The following NPAS2 variants were observed in gnomAD, a reference collection of about 807,000 sequenced individuals.
The protein encoded by NPAS2 is neuronal PAS domain-containing protein 2.
In NPAS2, 23 loss-of-function variants were observed where a neutral mutation model predicts 107.5. That is an observed-to-expected ratio of 0.21 (90% confidence interval 0.15 to 0.30). The LOEUF is 0.30. NPAS2 is among the 10% of genes least tolerant of loss of function. The pLI, the probability that NPAS2 is intolerant of heterozygous loss-of-function variation, is 1.00. For missense variants in NPAS2, 756 were observed against 1,043.3 expected (o/e 0.72, Z 3.79); for synonymous variants, 403 against 417.5 (o/e 0.97, Z 0.42).
At chr2:100,848,549 C>A (rs1677936736) in intron 1 of NPAS2, among the ~76,000 whole-genome samples, 1 of 152,116 alleles carries the variant, frequency 6.6e-6, no homozygotes, top group South Asian at 2.1e-4. Flanking sequence ...GTCACTTCCG[C>A]ATCTAGAGCA....
intron 1 of NPAS2, among the ~76,000 whole-genome samples, chr2:100,841,898 G>C (rs1677433118): frequency 6.6e-6 from 1 of 151,958 alleles, no homozygotes; most frequent in Non-Finnish European, 1.5e-5. Context: ...TACATGTAAA[G>C]GTGCACACAT....
intron 5 of NPAS2, 146 bp from the exon 6 acceptor site, chr2:100,948,089 A>G (rs562261730): frequency 1.2e-6 from 1 of 847,972 alleles, no homozygotes; most frequent in African/African-American, 1.7e-5. Flanking sequence ...TGGAGTGATA[A>G]ACTGAGAGTG....
At chr2:100,944,517 G>A (rs895516624) in intron 5 of NPAS2, among the ~76,000 whole-genome samples, 1 of 152,062 alleles carries the variant, frequency 6.6e-6, no homozygotes, top group African/African-American at 2.4e-5. Flanking sequence ...TCCCTCCCTT[G>A]TCTCCATAAT....
chr2:100,881,640 C>T (rs1263516248), intron 1 of NPAS2, among the ~76,000 whole-genome samples: 1 of 151,856 alleles, frequency 6.6e-6, no homozygotes, highest in Non-Finnish European at 1.5e-5. Context: ...GAGCTGAGAT[C>T]ACAGCACTGC....
intron 15 of NPAS2, among the ~76,000 whole-genome samples, chr2:100,979,502 A>ATTTTTT (rs757799235): frequency 9.2e-5 from 4 of 43,332 alleles, no homozygotes; most frequent in Non-Finnish European, 8.4e-5. Context: ...ATATATATAT[A>ATTTTTT]TTTTTTTTTT....
intron 7 of NPAS2, among the ~76,000 whole-genome samples, chr2:100,959,639 T>C (rs147770626): frequency 9.6e-4 from 147 of 152,366 alleles, no homozygotes; most frequent in African/African-American, 3.3e-3. Context: ...TTTATCACGA[T>C]TGGGACTTAA....
At position 100,860,697 on chromosome 2, in the gene NPAS2, G is replaced by A. The variant is rs76199684; in HGVS notation, c.-23+40283G>A. Among the ~76,000 whole-genome samples, 1,241 of 152,120 alleles carry A rather than the reference G, an allele frequency of 8.2e-3. 10 individuals carry two copies. Among genetic ancestry groups the A allele is most frequent in the African/African-American group, 0.027 (1,112 of 41,494 alleles). On this transcript the variant is annotated intron_variant, in intron 1 of 20. Transcript: ENST00000335681. Reference sequence around the variant, plus strand: ...ATGGGTTTGTAGATTTCTTTTATTTGGTGGATTATAATTACAGTTTGGGTT... The same window carrying A: ...ATGGGTTTGTAGATTTCTTTTATTTAGTGGATTATAATTACAGTTTGGGTT...
chr2:100,942,195 C>T (rs1017979188), intron 5 of NPAS2, among the ~76,000 whole-genome samples: 1 of 151,990 alleles, frequency 6.6e-6, no homozygotes, highest in African/African-American at 2.4e-5. Flanking sequence ...CAAGCCCCAG[C>T]GAGAAGAAAA....
At chr2:100,846,541 T>C (rs577369184) in intron 1 of NPAS2, among the ~76,000 whole-genome samples, 4 of 152,344 alleles carry the variant, frequency 2.6e-5, no homozygotes, top group African/African-American at 7.2e-5. Flanking sequence ...CTACCAAGAA[T>C]AACAATAAGC....
chr2:100,877,231 G>A (rs1191489405), intron 1 of NPAS2, among the ~76,000 whole-genome samples: 1 of 152,156 alleles, frequency 6.6e-6, no homozygotes, highest in African/African-American at 2.4e-5. Flanking sequence ...TTGGGAGGCT[G>A]AGGCAGGCGG....
chr2:100,858,931 A>G (rs1462889478), intron 1 of NPAS2, among the ~76,000 whole-genome samples: 2 of 152,190 alleles, frequency 1.3e-5, no homozygotes, highest in Non-Finnish European at 2.9e-5. Flanking sequence ...TGCATAATCA[A>G]CGCCTCAAGA....
chr2:100,916,558 G>A (rs1682892115), intron 2 of NPAS2, among the ~76,000 whole-genome samples: 1 of 152,092 alleles, frequency 6.6e-6, no homozygotes, highest in Admixed American at 6.5e-5. Context: ...ACAGATAATA[G>A]CTCTAATATG....
chr2:100,909,465 A>C (rs1682387905), intron 2 of NPAS2, among the ~76,000 whole-genome samples: 1 of 152,336 alleles, frequency 6.6e-6, no homozygotes, highest in Non-Finnish European at 1.5e-5. Context: ...TGTAGGTCTG[A>C]AAGCAAAGGT....
intron 1 of NPAS2, among the ~76,000 whole-genome samples, chr2:100,880,498 G>A (rs762327352): frequency 7.2e-5 from 11 of 152,268 alleles, no homozygotes; most frequent in East Asian, 1.9e-4. Flanking sequence ...GAGGGACCTC[G>A]AAAGCATTAT....
intron 1 of NPAS2, chr2:100,821,126 G>A (rs1193311236): frequency 1.5e-6 from 2 of 1,304,722 alleles, no homozygotes; most frequent in Non-Finnish European, 2.0e-6. Flanking sequence ...GGTAACCAGG[G>A]AAGGGACAGG....
intron 2 of NPAS2, among the ~76,000 whole-genome samples, 164 bp from the exon 3 acceptor site, chr2:100,924,982 A>G (rs1348441145): frequency 6.6e-6 from 1 of 152,192 alleles, no homozygotes; most frequent in Non-Finnish European, 1.5e-5. Flanking sequence ...AACATTTTCT[A>G]TCCTCCTGCC....
At chr2:100,941,719 G>A (rs1023206531) in intron 5 of NPAS2, among the ~76,000 whole-genome samples, 9 of 152,162 alleles carry the variant, frequency 5.9e-5, no homozygotes, top group Non-Finnish European at 8.8e-5. Context: ...AAAACCTTGC[G>A]GGAGAGATCC....
Position 100,965,631 on chromosome 2 carries a change from G to A in NPAS2, c.801-29G>A. 1 of 1,511,900 alleles carries A rather than the reference G, an allele frequency of 6.6e-7. No individual in the cohort carries two copies. Among genetic ancestry groups the A allele is most frequent in the Non-Finnish European group, 9.2e-7 (1 of 1,088,824 alleles). 93.7% of individuals were successfully genotyped at this position (1,511,900 alleles called of 1,614,324 possible). On this transcript the variant is annotated intron_variant, in intron 9 of 20. Transcript: ENST00000335681. The surrounding 1 kb of genome is among the most constrained non-coding windows in gnomAD (Gnocchi z 4.3). ...GAGCCCTGCAGGGTGTCTCCTCCCT[G>A]ATGACAAGTCCTCCTTGTCCTTGTG...
rs188131777 is a variant in NPAS2, at chr2:100,913,203, G to A, written c.32+8417G>A. 3.4e-3 allele frequency among the ~76,000 whole-genome samples: 514 copies of A among 152,276 alleles called. 2 individuals are homozygous for A. Among genetic ancestry groups the A allele is most frequent in the Non-Finnish European group, 4.7e-3 (319 of 68,014 alleles). ...GCAAGAAGTCACTCTTCAGAGAGCT[G>A]CACATCTATCTGCATACCTATTTGT... On this transcript the variant is annotated intron_variant, in intron 2 of 20. Coordinates refer to ENST00000335681, the MANE Select transcript of NPAS2 (RefSeq NM_002518.4).
Sources: allele counts gnomAD v4.1 joint callset (sites outside exome capture counted in the v4.1 genomes callset), GRCh38; gene constraint gnomAD v4.1.1; non-coding constraint Gnocchi (gnomAD v3.1); transcripts MANE v1.5; gene names NCBI Gene and HGNC (gene_info 2026-07-23, HGNC 2026-07-21).